The following RORA variants were observed in gnomAD, a reference collection of about 807,000 sequenced individuals.
RORA encodes the protein RAR related orphan receptor A, also known as nuclear receptor ROR-alpha.
A neutral mutation model predicts 69.5 loss-of-function variants in RORA; 7 were observed. The ratio of observed to expected loss-of-function variants is 0.10; its 90% CI spans 0.06 to 0.19. The LOEUF is 0.19. Among genes scored for constraint, RORA ranks in the 10% least tolerant of loss-of-function variants. RORA has a pLI of 1.00. For synonymous variants in RORA, 261 were observed against 240.8 expected, an observed-to-expected ratio of 1.08 and a Z score of -0.78; for missense variants, 457 against 663.0, an observed-to-expected ratio of 0.69 and a Z score of 3.41.
intron 2 of RORA, among the ~76,000 whole-genome samples, chr15:60,606,480 GCA>G (rs2068948864): frequency 6.6e-6 from 1 of 152,098 alleles, no homozygotes; most frequent in African/African-American, 2.4e-5. Context: ...GATGTGAAAA[GCA>G]CAGAAGCATT....
chr15:60,888,771 C>T (rs1418731843), intron 1 of RORA, among the ~76,000 whole-genome samples: 2 of 152,106 alleles, frequency 1.3e-5, no homozygotes, highest in African/African-American at 2.4e-5. Context: ...CAGAGAAAAG[C>T]TGTCTGTGCT....
At chr15:61,089,409 GAAC>G (rs2078672387) in intron 1 of RORA, among the ~76,000 whole-genome samples, 1 of 152,112 alleles carries the variant, frequency 6.6e-6, no homozygotes, top group Admixed American at 6.5e-5. Flanking sequence ...TTTCTTGCAT[GAAC>G]AATACACATA....
At chr15:60,851,089 G>T (rs538644054) in intron 1 of RORA, among the ~76,000 whole-genome samples, 2 of 152,104 alleles carry the variant, frequency 1.3e-5, no homozygotes, top group African/African-American at 2.4e-5. Flanking sequence ...CTTGTTAAGC[G>T]CTTTGCGAGG....
intron 1 of RORA, among the ~76,000 whole-genome samples, chr15:61,100,208 C>T (rs1407786682): frequency 1.3e-5 from 2 of 151,422 alleles, no homozygotes; most frequent in Non-Finnish European, 2.9e-5. Context: ...CAGCCTCCGC[C>T]TCCGGGTTCC....
At chr15:60,812,233 G>C (rs2072754473) in intron 1 of RORA, among the ~76,000 whole-genome samples, 1 of 152,202 alleles carries the variant, frequency 6.6e-6, no homozygotes, top group Non-Finnish European at 1.5e-5. Flanking sequence ...GCAAGGTGCG[G>C]TGCCTCACAC....
intron 1 of RORA, among the ~76,000 whole-genome samples, chr15:60,934,796 TC>T (rs1892472924): frequency 6.6e-6 from 1 of 152,190 alleles, no homozygotes; most frequent in African/African-American, 2.4e-5. Flanking sequence ...TATGACTGTC[TC>T]CCTGCCTCCA....
At chr15:60,893,606 T>A (rs11856583) in intron 1 of RORA, among the ~76,000 whole-genome samples, 48,595 of 151,902 alleles carry the variant, frequency 0.32, 8,102 homozygotes, top group African/African-American at 0.38. Context: ...TGTGCGTTTT[T>A]AAAAAATTTT....
chr15:60,540,589 T>C (rs1051134577), intron 2 of RORA, among the ~76,000 whole-genome samples: 1 of 99,464 alleles, frequency 1.0e-5, no homozygotes, highest in East Asian at 2.9e-4. Context: ...AACTGTGCGG[T>C]CACAAAACCC....
intron 2 of RORA, among the ~76,000 whole-genome samples, chr15:60,635,660 A>C (rs2069821701): frequency 6.6e-6 from 1 of 152,230 alleles, no homozygotes; most frequent in African/African-American, 2.4e-5. Flanking sequence ...GTCGTCTTGG[A>C]TAGAGGAGCT....
At chr15:60,581,559 T>G (rs1315757782) in intron 2 of RORA, among the ~76,000 whole-genome samples, 1 of 152,208 alleles carries the variant, frequency 6.6e-6, no homozygotes, top group Admixed American at 6.5e-5. Context: ...ATAGGCGGTA[T>G]GCAAATCTTT....
At chr15:60,524,788 A>G (rs932326657) in intron 3 of RORA, among the ~76,000 whole-genome samples, 5 of 152,248 alleles carry the variant, frequency 3.3e-5, no homozygotes, top group African/African-American at 1.2e-4. Flanking sequence ...CCTGCTCCCT[A>G]CTAGGCACCA....
intron 1 of RORA, among the ~76,000 whole-genome samples, chr15:60,927,139 T>C (rs560961352): frequency 1.3e-5 from 2 of 152,342 alleles, no homozygotes; most frequent in South Asian, 4.1e-4. Context: ...AGGTGCACGC[T>C]AGTCACACAC....
chr15:61,217,926 CATA>C (rs2080055767), intron 1 of RORA, among the ~76,000 whole-genome samples: 3 of 152,096 alleles, frequency 2.0e-5, no homozygotes. Context: ...TCCCTGAAGT[CATA>C]ATGAGTAACA....
chr15:60,602,620 T>C (rs2068845426), intron 2 of RORA, among the ~76,000 whole-genome samples: 1 of 152,226 alleles, frequency 6.6e-6, no homozygotes, highest in Non-Finnish European at 1.5e-5. Flanking sequence ...CATAAATTAC[T>C]ACATAGTGGT....
chr15:60,658,725 A>G (rs2070259315), intron 2 of RORA, among the ~76,000 whole-genome samples: 1 of 152,250 alleles, frequency 6.6e-6, no homozygotes, highest in African/African-American at 2.4e-5. Flanking sequence ...TGCAAAGAAG[A>G]TAACATGTTA....
chr15:60,918,863 A>G (rs1378111960), intron 1 of RORA, among the ~76,000 whole-genome samples: 1 of 152,142 alleles, frequency 6.6e-6, no homozygotes, highest in Non-Finnish European at 1.5e-5. Flanking sequence ...GGGTACAGCC[A>G]GGAATTACCA....
At chr15:60,944,271 C>A (rs1004435024) in intron 1 of RORA, among the ~76,000 whole-genome samples, 1 of 152,086 alleles carries the variant, frequency 6.6e-6, no homozygotes, top group African/African-American at 2.4e-5. Context: ...AATTTAAAAG[C>A]CCCAGGAAGA....
chr15:60,560,439 A>T (rs2067498142), intron 2 of RORA, among the ~76,000 whole-genome samples: 1 of 152,024 alleles, frequency 6.6e-6, no homozygotes, highest in African/African-American at 2.4e-5. Flanking sequence ...CTTGTCTGTA[A>T]TCCCAGCACT....
intron 1 of RORA, among the ~76,000 whole-genome samples, chr15:61,001,895 C>T (rs982097313): frequency 6.6e-6 from 1 of 152,186 alleles, no homozygotes; most frequent in Non-Finnish European, 1.5e-5. Flanking sequence ...CACAGTCATA[C>T]AAAGATCCAG....
Sources: allele counts gnomAD v4.1 joint callset (sites outside exome capture counted in the v4.1 genomes callset), GRCh38; gene constraint gnomAD v4.1.1; transcripts MANE v1.5; gene names NCBI Gene and HGNC (gene_info 2026-07-23, HGNC 2026-07-21).